The following PTCSC3 variants were observed in gnomAD, a reference collection of about 807,000 sequenced individuals.
PTCSC3 encodes papillary thyroid carcinoma susceptibility candidate 3.
At chr14:36,166,376 A>G (rs1882087501) in intron 1 of PTCSC3, among the ~76,000 whole-genome samples, 1 of 152,216 alleles carries the variant, frequency 6.6e-6, no homozygotes, top group Non-Finnish European at 1.5e-5. Context: ...CTACGTCTGA[A>G]TTTTTAGTGC....
intron 1 of PTCSC3, among the ~76,000 whole-genome samples, chr14:36,170,638 A>T (rs1051208907): frequency 1.3e-5 from 2 of 152,152 alleles, no homozygotes; most frequent in African/African-American, 4.8e-5. Flanking sequence ...TGCCATTTGA[A>T]TCAGCAACCT....
intron 2 of PTCSC3, among the ~76,000 whole-genome samples, chr14:36,156,259 G>A (rs770415752): frequency 1.3e-5 from 2 of 152,148 alleles, no homozygotes; most frequent in Non-Finnish European, 2.9e-5. Context: ...AGTTTCAAAA[G>A]ATAACAATAT....
intron 2 of PTCSC3, among the ~76,000 whole-genome samples, chr14:36,156,548 A>G (rs1169137): frequency 0.64 from 97,056 of 151,876 alleles, 31,372 homozygotes; most frequent in Middle Eastern, 0.7. Context: ...TTCTCCTAAT[A>G]GTATCTCTCC....
intron 3 of PTCSC3, among the ~76,000 whole-genome samples, chr14:36,150,843 C>T (rs559197122): frequency 5.5e-4 from 84 of 152,130 alleles, no homozygotes; most frequent in Non-Finnish European, 9.7e-4. Flanking sequence ...AACATTGGTG[C>T]ATTTATTCTA....
rs116388199 is a variant in PTCSC3 at position 36,165,632 on chromosome 14, C to T, written n.172-2949G>A. On this transcript the variant is annotated intron_variant and non_coding_transcript_variant, in intron 1 of 3. Transcript: ENST00000556013. ...TAAATTAGCGTTTTAGATATTTTAA[C>T]CAATCACCTTTCCTTTAACTCAACT... 6.7e-3 allele frequency among the ~76,000 whole-genome samples: 1,011 copies of T among 151,588 alleles called. 11 individuals are homozygous for T. The highest frequency in any genetic ancestry group is 0.021 in the African/African-American group (852 of 41,330).
chr14:36,148,150 A>T (rs2139094853), intron 3 of PTCSC3, among the ~76,000 whole-genome samples: 1 of 152,098 alleles, frequency 6.6e-6, no homozygotes, highest in Admixed American at 6.5e-5. Context: ...GATGGAGCCT[A>T]CAGAGGCAGG....
intron 1 of PTCSC3, among the ~76,000 whole-genome samples, chr14:36,171,149 A>G (rs977469149): frequency 6.6e-6 from 1 of 152,158 alleles, no homozygotes; most frequent in Non-Finnish European, 1.5e-5. Context: ...CGTTTGGAAC[A>G]TAATCCTTCT....
At chr14:36,150,632 T>C (rs1399016452) in intron 3 of PTCSC3, among the ~76,000 whole-genome samples, 3 of 152,200 alleles carry the variant, frequency 2.0e-5, no homozygotes, top group Non-Finnish European at 2.9e-5. Context: ...TCTAACTTCT[T>C]TGATTTTAAT....
intron 3 of PTCSC3, among the ~76,000 whole-genome samples, chr14:36,147,432 C>A (rs553133338): frequency 4.6e-5 from 7 of 152,264 alleles, no homozygotes; most frequent in Admixed American, 2.6e-4. Context: ...ATTGCTGATA[C>A]CCTTTCTTCC....
At chr14:36,139,248 C>T (rs935411815) in intron 3 of PTCSC3, among the ~76,000 whole-genome samples, 3 of 151,328 alleles carry the variant, frequency 2.0e-5, no homozygotes, top group Non-Finnish European at 2.9e-5. Flanking sequence ...AATATCCATG[C>T]AATGTAATAC....
intron 1 of PTCSC3, among the ~76,000 whole-genome samples, chr14:36,166,897 A>G (rs1882097696): frequency 6.6e-6 from 1 of 152,212 alleles, no homozygotes; most frequent in Non-Finnish European, 1.5e-5. Flanking sequence ...CAGTTCTCCT[A>G]ATAGAGTTCT....
intron 1 of PTCSC3, among the ~76,000 whole-genome samples, chr14:36,172,580 T>C (rs1411369190): frequency 2.0e-5 from 3 of 152,166 alleles, no homozygotes; most frequent in Non-Finnish European, 2.9e-5. Context: ...TAATGTTCCT[T>C]GTTTTCAAAT....
At chr14:36,159,922 T>A (rs1190491887) in intron 2 of PTCSC3, among the ~76,000 whole-genome samples, 1 of 152,184 alleles carries the variant, frequency 6.6e-6, no homozygotes, top group Non-Finnish European at 1.5e-5. Flanking sequence ...ACTGGGTGCA[T>A]ATATATTTAG....
chr14:36,173,897 A>C lies in PTCSC3; in HGVS notation n.171+2401T>G, dbSNP rs1049864311. ...AGTTTTTTCTTTCAGTACTTTAAGA[A>C]AGTCATTTCATTGTCTTCTGGACTC... On this transcript the variant is annotated intron_variant and non_coding_transcript_variant, in intron 1 of 3. Transcript: ENST00000556013. Among the ~76,000 whole-genome samples the C allele has an allele frequency of 1.2e-4, 18 of 152,134 alleles. 1 individual carries two copies. Among genetic ancestry groups the C allele is most frequent in the African/African-American group, 4.3e-4 (18 of 41,426 alleles).
At chr14:36,155,630 A>G (rs747013553) in intron 2 of PTCSC3, among the ~76,000 whole-genome samples, 1 of 152,104 alleles carries the variant, frequency 6.6e-6, no homozygotes, top group African/African-American at 2.4e-5. Flanking sequence ...GATCTGCGCA[A>G]CTGAGTCTGC....
At chr14:36,138,843 G>T (rs1321885394) in intron 3 of PTCSC3, among the ~76,000 whole-genome samples, 2 of 152,124 alleles carry the variant, frequency 1.3e-5, no homozygotes, top group African/African-American at 4.8e-5. Flanking sequence ...ATGTGGCCGG[G>T]CGCGGGTGGC....
intron 3 of PTCSC3, among the ~76,000 whole-genome samples, chr14:36,150,275 GC>G (rs1196724054): frequency 1.3e-5 from 2 of 152,132 alleles, no homozygotes; most frequent in Non-Finnish European, 2.9e-5. Flanking sequence ...TGAGGGTAGA[GC>G]CCTCATGAAT....
chr14:36,159,963 C>CT lies in PTCSC3; in HGVS notation n.231+2660dup, dbSNP rs1169178686. ...TTAGCTCTTCTTGTTGAATTGATCC[C>CT]TTTACCATTATGTAATGGCCTTCTT... On this transcript the variant is annotated intron_variant and non_coding_transcript_variant, in intron 2 of 3. Coordinates refer to ENST00000556013, the Ensembl canonical transcript of PTCSC3. 8.5e-5 allele frequency among the ~76,000 whole-genome samples: 13 copies of CT among 152,276 alleles called. 1 individual carries two copies. The highest frequency in any genetic ancestry group is 6.8e-3 in the Middle Eastern group (2 of 294).
intron 1 of PTCSC3, among the ~76,000 whole-genome samples, chr14:36,166,050 TC>T (rs1305181454): frequency 1.3e-5 from 2 of 152,186 alleles, no homozygotes; most frequent in Non-Finnish European, 2.9e-5. Flanking sequence ...GAACTGTCCT[TC>T]TAGAGTGCTT....
Sources: allele counts gnomAD v4.1 joint callset (sites outside exome capture counted in the v4.1 genomes callset), GRCh38; gene constraint gnomAD v4.1.1; transcripts MANE v1.5; gene names NCBI Gene and HGNC (gene_info 2026-07-23, HGNC 2026-07-21).